The following OXR1 variants were observed in gnomAD, a reference collection of about 807,000 sequenced individuals.
OXR1 encodes oxidation resistance protein 1.
OXR1 carries 41 observed loss-of-function variants against 104.6 expected under a neutral mutation model. That is an observed-to-expected ratio of 0.39 (90% CI 0.31 to 0.51). The LOEUF is 0.51. OXR1 is among the 20% of genes least tolerant of loss of function. The probability of loss-of-function intolerance (pLI) is 0.77; values close to 1 mark genes in which losing one functional copy is unlikely to be tolerated. For missense variants in OXR1, 955 were observed against 1,031.9 expected, an observed-to-expected ratio of 0.93 and a Z score of 1.02; for synonymous variants, 348 against 348.4, an observed-to-expected ratio of 1.00 and a Z score of 0.01.
intron 3 of OXR1, among the ~76,000 whole-genome samples, chr8:106,673,085 G>T (rs1230040985): frequency 1.3e-5 from 2 of 148,236 alleles, no homozygotes; most frequent in Non-Finnish European, 3.1e-5. Flanking sequence ...TGGGTAACAG[G>T]CAGAGGTTGG....
At chr8:106,494,018 A>T (rs1221209421) in intron 2 of OXR1, among the ~76,000 whole-genome samples, 2 of 152,246 alleles carry the variant, frequency 1.3e-5, no homozygotes, top group African/African-American at 4.8e-5. Context: ...CATAGTCATT[A>T]TGAGATTTAT....
intron 1 of OXR1, among the ~76,000 whole-genome samples, chr8:106,274,153 C>A (rs943928790): frequency 6.6e-6 from 1 of 152,096 alleles, no homozygotes; most frequent in South Asian, 2.1e-4. Flanking sequence ...ATAATTTTCT[C>A]GTATTGTATT....
At chr8:106,742,201 A>C in intron 14 of OXR1, 21 bp from the exon 15 acceptor site, 1 of 1,342,072 alleles carries the variant, frequency 7.5e-7, no homozygotes, top group African/African-American at 1.4e-5. Flanking sequence ...GTGTCATTGA[A>C]TATGCCTTTT....
chr8:106,698,076 A>G, intron 7 of OXR1: 1 of 1,095,048 alleles, frequency 9.1e-7, no homozygotes, highest in South Asian at 1.3e-5. Context: ...ACACTCACTC[A>G]AGGCAATGGC....
In OXR1 at chr8:106,675,413, T is replaced by TG. The variant is rs1366362272; in HGVS notation, c.221-3793dup. Among the ~76,000 whole-genome samples, 4 of 152,224 alleles carry TG rather than the reference T, an allele frequency of 2.6e-5. No homozygotes were observed. The East Asian group carries it at 5.8e-4, about 22-fold the overall frequency. ...AGTATACATTATTTTCAAGCATATA[T>TG]GGGGCATTTACAAAATTTATACATC... On this transcript the variant is annotated intron_variant, in intron 3 of 16. Coordinates refer to ENST00000517566, the MANE Select transcript of OXR1 (RefSeq NM_001198533.2).
At chr8:106,322,022 C>T (rs1338122355) in intron 1 of OXR1, among the ~76,000 whole-genome samples, 1 of 152,074 alleles carries the variant, frequency 6.6e-6, no homozygotes, top group Non-Finnish European at 1.5e-5. Context: ...GAGGAAAAAA[C>T]TAAAGGCTGA....
chr8:106,616,747 G>A (rs3134140), intron 3 of OXR1, among the ~76,000 whole-genome samples: 60,549 of 151,846 alleles, frequency 0.4, 12,366 homozygotes, highest in African/African-American at 0.49. Context: ...CATTTTCTTC[G>A]TGATCATTGT....
At chr8:106,588,589 G>T (rs1174430966) in intron 3 of OXR1, among the ~76,000 whole-genome samples, 1 of 151,628 alleles carries the variant, frequency 6.6e-6, no homozygotes, top group Non-Finnish European at 1.5e-5. Context: ...CCGGGTTCAA[G>T]CAATTCTCCT....
At chr8:106,690,530 C>T (rs929409805) in intron 6 of OXR1, among the ~76,000 whole-genome samples, 1 of 149,046 alleles carries the variant, frequency 6.7e-6, no homozygotes, top group African/African-American at 2.4e-5. Flanking sequence ...AGAAGAAATC[C>T]CTGTATTTTT....
chr8:106,734,111 A>T (rs997579498), intron 11 of OXR1, among the ~76,000 whole-genome samples: 1 of 150,756 alleles, frequency 6.6e-6, no homozygotes, highest in Non-Finnish European at 1.5e-5. Flanking sequence ...CCACGCCACC[A>T]GGCCCGGCTA....
rs1250244094 is a variant in OXR1 at position 106,710,752 on chromosome 8, T to G, written c.1755T>G (p.Asp585Glu). The G allele has an allele frequency of 6.4e-7, 1 of 1,560,164 alleles. No individual in the cohort carries two copies. Residue 585 changes from aspartate (D) to glutamate (E), a missense_variant, in exon 10 of 17, where the codon GAT (aspartate) becomes GAG (glutamate). Coordinates refer to ENST00000517566, the MANE Select transcript of OXR1 (RefSeq NM_001198533.2). Reference protein sequence around the residue: ...SATMQQYAQRDKKHEYWFAVP... With the variant: ...SATMQQYAQREKKHEYWFAVP... ...CAATGCAACAGTATGCACAGAGAGATAAGAAACATGAATATTGGTTTGCTG... is the reference window on the plus strand; with the variant it reads ...CAATGCAACAGTATGCACAGAGAGAGAAGAAACATGAATATTGGTTTGCTG...
intron 1 of OXR1, among the ~76,000 whole-genome samples, chr8:106,354,484 A>G (rs17251771): frequency 0.074 from 11,222 of 152,118 alleles, 431 homozygotes; most frequent in African/African-American, 0.084. Context: ...ACAAAATCCA[A>G]TGGACCCTTG....
chr8:106,283,237 A>G (rs74892223), intron 1 of OXR1, among the ~76,000 whole-genome samples: 1,802 of 152,276 alleles, frequency 0.012, 24 homozygotes, highest in South Asian at 0.024. Flanking sequence ...GGCTTTTCCT[A>G]TGTGGAGCAA....
chr8:106,427,107 A>C (rs1819160839), intron 2 of OXR1, among the ~76,000 whole-genome samples: 1 of 152,150 alleles, frequency 6.6e-6, no homozygotes, highest in South Asian at 2.1e-4. Context: ...AGAAGACTTC[A>C]AACAACCAGG....
At chr8:106,453,636 C>T (rs183171043) in intron 2 of OXR1, among the ~76,000 whole-genome samples, 1 of 152,296 alleles carries the variant, frequency 6.6e-6, no homozygotes, top group East Asian at 1.9e-4. Context: ...AGCTAACTTC[C>T]CTCAAAATGT....
intron 3 of OXR1, among the ~76,000 whole-genome samples, chr8:106,609,102 T>C (rs1436637104): frequency 6.6e-6 from 1 of 152,038 alleles, no homozygotes. Context: ...TTAGTTGATC[T>C]TAGTAAAAGG....
At chr8:106,318,505 A>G (rs775089922) in intron 1 of OXR1, among the ~76,000 whole-genome samples, 1 of 152,112 alleles carries the variant, frequency 6.6e-6, no homozygotes. Flanking sequence ...CCTGCTTCCT[A>G]TGTTCACAAA....
At chr8:106,725,431 T>G (rs1833239240) in intron 11 of OXR1, among the ~76,000 whole-genome samples, 1 of 152,198 alleles carries the variant, frequency 6.6e-6, no homozygotes, top group Admixed American at 6.5e-5. Context: ...AAAACTGAAT[T>G]CTAGATAGTT....
At chr8:106,415,492 A>ATTGT (rs1818632513) in intron 2 of OXR1, among the ~76,000 whole-genome samples, 1 of 134,878 alleles carries the variant, frequency 7.4e-6, no homozygotes, top group Admixed American at 7.6e-5. Flanking sequence ...TAATTTTAAG[A>ATTGT]CTGTGTGTGT....
Sources: gnomAD v4.1 joint callset for allele counts (sites outside exome capture counted in the v4.1 genomes callset) on GRCh38, gnomAD v4.1.1 for gene constraint, MANE v1.5 for transcripts, NCBI Gene and HGNC (gene_info 2026-07-23, HGNC 2026-07-21) for gene names.